Variants in SHC2 observed in about 807,000 individuals in gnomAD.
The protein encoded by SHC2 is SHC-transforming protein 2.
In SHC2, 62 loss-of-function variants were observed where a neutral mutation model predicts 60.6. The observed-to-expected ratio is 1.02, with a 90% CI of 0.83 to 1.26. The LOEUF is 1.26. Among genes scored for constraint, SHC2 ranks in the 50% most tolerant of loss-of-function variants. The pLI, the probability that SHC2 is intolerant of heterozygous loss-of-function variation, is 0.00. For missense variants in SHC2, 873 were observed against 822.2 expected, an observed-to-expected ratio of 1.06 and a Z score of -0.76; for synonymous variants, 375 against 372.4, an observed-to-expected ratio of 1.01 and a Z score of -0.08.
intron 1 of SHC2, among the ~76,000 whole-genome samples, chr19:457,947 T>A (rs1314746454): frequency 6.7e-6 from 1 of 149,670 alleles, no homozygotes; most frequent in East Asian, 2.0e-4. Flanking sequence ...GAGGCGGAAG[T>A]GGGTCCCGGG....
chr19:417,400 C>T (rs1051510347), intron 12 of SHC2, 78 bp from the exon 13 acceptor site: 2 of 152,318 alleles, frequency 1.3e-5, no homozygotes, highest in African/African-American at 4.8e-5. Context: ...GCCACATGCT[C>T]TTCTGCCTTG....
chr19:459,143 C>A (rs1280731178), intron 1 of SHC2, among the ~76,000 whole-genome samples: 1 of 152,156 alleles, frequency 6.6e-6, no homozygotes, highest in Admixed American at 6.5e-5. Context: ...AGGTCAGACT[C>A]CTACGGCACA....
At position 419,218 on chromosome 19, in the gene SHC2, G is replaced by A. The variant is rs752604565; in HGVS notation, c.1621-162C>T. 4.8e-4 allele frequency: 397 copies of A among 818,988 alleles called. 1 individual carries two copies. The highest frequency in any genetic ancestry group is 6.8e-4 in the Non-Finnish European group (376 of 556,730). 50.7% of individuals were successfully genotyped at this position (818,988 alleles called of 1,614,324 possible). On this transcript the variant is annotated intron_variant, in intron 11 of 12. Transcript: ENST00000264554. ...GACACCAGCCAAAGGATCGGCCTCA[G>A]AATTCCAGAACCACCCATGGGCACG...
chr19:436,452 G>C (rs772743905), intron 5 of SHC2, 21 bp from the exon 6 acceptor site: 2 of 1,602,746 alleles, frequency 1.2e-6, no homozygotes, highest in South Asian at 2.2e-5. Flanking sequence ...GGAGGGGCCA[G>C]CTGGACCTGC....
intron 1 of SHC2, 118 bp downstream of exon 1, chr19:460,411 A>G: frequency 8.4e-6 from 3 of 356,694 alleles, no homozygotes; most frequent in East Asian, 5.2e-5. Flanking sequence ...GGGTGGCGGG[A>G]GAGCAGGAAG....
At chr19:449,686 G>T (rs547699881) in intron 1 of SHC2, among the ~76,000 whole-genome samples, 2 of 150,346 alleles carry the variant, frequency 1.3e-5, no homozygotes, top group African/African-American at 4.9e-5. Flanking sequence ...GCTTGAACCC[G>T]GGAGGCGGAG....
chr19:456,968 T>G lies in SHC2; in HGVS notation c.468+3561A>C, dbSNP rs567546569. Among the ~76,000 whole-genome samples the G allele has an allele frequency of 1.3e-4, 16 of 127,986 alleles. 1 individual carries two copies. Among genetic ancestry groups the G allele is most frequent in the Non-Finnish European group, 2.3e-4 (15 of 63,882 alleles). The allele number at this position is 127,986 out of a possible 152,430, so 84.0% of individuals were successfully genotyped here. A position where few individuals can be genotyped will look rare whatever the true frequency, so the allele number is the denominator to read the frequency against. On this transcript the variant is annotated intron_variant, in intron 1 of 12. Coordinates refer to ENST00000264554, the MANE Select transcript of SHC2 (RefSeq NM_012435.3). ...CGCCCCTAGAACTCTGTCTGTAAAC[T>G]CCACAGTCAGGCCTTTGCACCTGCA...
chr19:452,585 G>A (rs997720389), intron 1 of SHC2, among the ~76,000 whole-genome samples: 1 of 151,446 alleles, frequency 6.6e-6, no homozygotes, highest in Non-Finnish European at 1.5e-5. Context: ...GCGTAGGTGT[G>A]CGTTTCTCCG....
chr19:429,369 A>C (rs1974505745), intron 9 of SHC2, among the ~76,000 whole-genome samples: 1 of 149,720 alleles, frequency 6.7e-6, no homozygotes, highest in Admixed American at 6.8e-5. Flanking sequence ...CGGAAACCTA[A>C]CACCGTGTGG....
At chr19:442,631 G>GTGGA (rs1239553008) in intron 1 of SHC2, among the ~76,000 whole-genome samples, 2 of 66,608 alleles carry the variant, frequency 3.0e-5, no homozygotes, top group African/African-American at 1.9e-4. Context: ...GAGTGAATGG[G>GTGGA]TGGATGGATG....
intron 8 of SHC2, among the ~76,000 whole-genome samples, chr19:431,463 C>A (rs558957227): frequency 6.6e-5 from 4 of 61,054 alleles, no homozygotes; most frequent in Non-Finnish European, 8.3e-5. Flanking sequence ...TGAGTGAGAT[C>A]GTGAGTGAGA....
At position 419,039 on chromosome 19, in the gene SHC2, C is replaced by A. The variant is rs765937784; in HGVS notation, c.1638G>T (p.Val546=). ...DPEGVVRTKD[V]LFESISHLID... Reference sequence around the variant, plus strand: ...TCAGGTGGCTGATGCTCTCAAACAGCACGTCCTTCGTCCGTACCTGCGGGA... The same window carrying A: ...TCAGGTGGCTGATGCTCTCAAACAGAACGTCCTTCGTCCGTACCTGCGGGA... The change falls in exon 12 of 13, where the codon GTG becomes GTT. Residue 546 remains valine, a synonymous_variant. Transcript: ENST00000264554. The A allele has an allele frequency of 1.9e-6, 3 of 1,585,066 alleles. No individual in the cohort carries two copies. The South Asian group carries it at 3.5e-5, about 18-fold the overall frequency.
At chr19:434,925 C>A in intron 7 of SHC2, 60 bp from the exon 8 acceptor site, 2 of 1,514,070 alleles carry the variant, frequency 1.3e-6, no homozygotes, top group Non-Finnish European at 1.8e-6. Flanking sequence ...TAAAGCCTTA[C>A]GGCTTGAGCT....
Position 425,130 on chromosome 19 carries a change from C to T in SHC2, c.1276G>A (p.Glu426Lys), listed in dbSNP as rs370022964. 4 of 1,403,580 alleles carry T rather than the reference C, an allele frequency of 2.8e-6. 1 individual carries two copies. The highest frequency in any genetic ancestry group is 3.8e-4 in the Middle Eastern group (2 of 5,198). The allele number at this position is 1,403,580 out of a possible 1,614,324, so 86.9% of individuals were successfully genotyped here. A position where few individuals can be genotyped will look rare whatever the true frequency, so the allele number is the denominator to read the frequency against. Residue 426 changes from glutamate to lysine, a missense_variant, in exon 10 of 13, where the codon GAG (glutamate) becomes AAG (lysine). Coordinates refer to ENST00000264554, the MANE Select transcript of SHC2 (RefSeq NM_012435.3). The surrounding 1 kb of genome is among the most constrained non-coding windows in gnomAD (Gnocchi z 4.1). ...AACAGATCCTTTTTGGGGCTGTCCT[C>T]CGGCTCGGGGGCGTCCAGACCCTGG... Reference protein sequence around the residue: ...NTQGLDAPEPEDSPKKDLFDM... With the variant: ...NTQGLDAPEPKDSPKKDLFDM...
chr19:422,664 G>A lies in SHC2; in HGVS notation c.1310-208C>T, dbSNP rs1205685818. 1.3e-5 allele frequency: 7 copies of A among 529,390 alleles called. No individual in the cohort carries two copies. The South Asian group carries it at 1.8e-4, about 14-fold the overall frequency. 32.8% of individuals were successfully genotyped at this position (529,390 alleles called of 1,614,324 possible). ...CATGTGTAGCAACCTGGACTCCCCAGGTTGGGTTTTCTAGGCACGTACTAA... is the reference window on the plus strand; with the variant it reads ...CATGTGTAGCAACCTGGACTCCCCAAGTTGGGTTTTCTAGGCACGTACTAA... On this transcript the variant is annotated intron_variant, in intron 10 of 12. Transcript: ENST00000264554. The surrounding 1 kb of genome is among the most constrained non-coding windows in gnomAD (Gnocchi z 5.0).
Position 438,989 on chromosome 19 carries a change from C to CT in SHC2, c.580_581insA (p.Arg194GlnfsTer36). 5.6e-6 allele frequency: 9 copies of CT among 1,601,188 alleles called. No homozygotes were observed. Among genetic ancestry groups the CT allele is most frequent in the Non-Finnish European group, 6.0e-6 (7 of 1,174,722 alleles). ...ACTCACCTTTTTCTTCCAGGATCCCCGGACGCCAGGCACGGCCTCATGGAG... is the reference window on the plus strand; with the variant it reads ...ACTCACCTTTTTCTTCCAGGATCCCCTGGACGCCAGGCACGGCCTCATGGAG... On this transcript the variant is annotated frameshift_variant, in exon 3 of 13. Transcript: ENST00000264554. LOFTEE classifies it high-confidence loss of function. This position sits in a 1 kb window ranked among gnomAD's most constrained non-coding sequence, Gnocchi z 5.0.
rs754406702 is a variant in SHC2 at position 436,302 on chromosome 19, G to A, written c.827-11C>T. On this transcript the variant is annotated splice_polypyrimidine_tract_variant and intron_variant, in intron 6 of 12. Transcript: ENST00000264554. ...CCAGGATGTGGCAGGCTGCGGGCAC[G>A]TTGGTCATGCAGCCTCCGAGCCACA... is the stretch of plus-strand genomic sequence containing the variant. The A allele has an allele frequency of 4.1e-5, 65 of 1,588,176 alleles. No individual in the cohort carries two copies. The highest frequency in any genetic ancestry group is 1.7e-4 in the Middle Eastern group (1 of 6,020).
intron 9 of SHC2, among the ~76,000 whole-genome samples, chr19:426,251 C>A (rs1974412790): frequency 6.6e-6 from 1 of 152,244 alleles, no homozygotes; most frequent in Admixed American, 6.5e-5. Context: ...TCTCCCCCGC[C>A]TTCCCAGTCT....
At chr19:442,801 G>A (rs1600306294) in intron 1 of SHC2, among the ~76,000 whole-genome samples, 1 of 143,906 alleles carries the variant, frequency 6.9e-6, no homozygotes. Context: ...ATGGATGGGT[G>A]GGTGGATGAG....
Sources: allele counts gnomAD v4.1 joint callset (sites outside exome capture counted in the v4.1 genomes callset), GRCh38; gene constraint gnomAD v4.1.1; non-coding constraint Gnocchi (gnomAD v3.1); transcripts MANE v1.5; gene names NCBI Gene and HGNC (gene_info 2026-07-23, HGNC 2026-07-21).